Variants in IQGAP1 observed in about 807,000 individuals in gnomAD.
The protein encoded by IQGAP1 is IQ motif containing GTPase activating protein 1.
Under a neutral mutation model 215.6 loss-of-function variants are expected in IQGAP1, and 66 were observed. The ratio of observed to expected loss-of-function variants is 0.31; its 90% CI spans 0.25 to 0.38. The LOEUF (loss-of-function observed/expected upper bound fraction) is 0.38. Ranked by LOEUF, IQGAP1 falls within the 10% of genes least tolerant of loss-of-function variation. IQGAP1 has a pLI of 1.00. For synonymous variants in IQGAP1, 772 were observed against 728.7 expected, an observed-to-expected ratio of 1.06 and a Z score of -0.96; for missense variants, 1,712 against 1,997.1, an observed-to-expected ratio of 0.86 and a Z score of 2.72.
chr15:90,433,615 GT>G, intron 4 of IQGAP1, 103 bp from the exon 5 acceptor site: 2 of 671,852 alleles, frequency 3.0e-6, no homozygotes, highest in Non-Finnish European at 5.2e-6. Flanking sequence ...TGCCACCGAT[GT>G]TTTCTAACTG....
At chr15:90,421,153 T>A (rs976410861) in intron 2 of IQGAP1, among the ~76,000 whole-genome samples, 7 of 150,822 alleles carry the variant, frequency 4.6e-5, no homozygotes, top group Admixed American at 1.3e-4. Flanking sequence ...AAATTTTTTT[T>A]AATAAAGTCT....
chr15:90,458,017 T>C (rs1242461080), intron 15 of IQGAP1, among the ~76,000 whole-genome samples: 1 of 152,196 alleles, frequency 6.6e-6, no homozygotes, highest in African/African-American at 2.4e-5. Context: ...AGAAACTCAG[T>C]ACCCATTAGT....
intron 3 of IQGAP1, 78 bp downstream of exon 3, chr15:90,426,344 T>C (rs1487849965): frequency 4.1e-6 from 6 of 1,479,946 alleles, no homozygotes; most frequent in Non-Finnish European, 5.5e-6. Context: ...GTAAGAGTTA[T>C]TGAGAAGTCT....
At chr15:90,489,153 CAG>C (rs948091142) in intron 33 of IQGAP1, among the ~76,000 whole-genome samples, 2 of 143,108 alleles carry the variant, frequency 1.4e-5, no homozygotes, top group African/African-American at 2.6e-5. Flanking sequence ...TAATTTGAGA[CAG>C]AGTCTCACTC....
At chr15:90,401,027 C>T (rs1029720991) in intron 2 of IQGAP1, among the ~76,000 whole-genome samples, 3 of 152,142 alleles carry the variant, frequency 2.0e-5, no homozygotes, top group African/African-American at 7.2e-5. Context: ...TGAGAACATC[C>T]GGAAGTGATT....
At chr15:90,473,663 T>G in intron 19 of IQGAP1, 52 bp from the exon 20 acceptor site, 1 of 1,331,748 alleles carries the variant, frequency 7.5e-7, no homozygotes, top group Admixed American at 1.9e-5. Context: ...TTTTTTAACT[T>G]CCATTGATGC....
intron 2 of IQGAP1, among the ~76,000 whole-genome samples, chr15:90,421,402 G>A (rs1965133950): frequency 1.3e-5 from 2 of 151,786 alleles, no homozygotes; most frequent in South Asian, 4.2e-4. Context: ...CTTGAACTTG[G>A]GAGACGGAGG....
In IQGAP1 at chr15:90,470,292, A is replaced by G. The variant is rs1965887855; in HGVS notation, c.2179-2548A>G. 2.0e-5 allele frequency among the ~76,000 whole-genome samples: 3 copies of G among 152,084 alleles called. No homozygotes were observed. The South Asian group carries it at 6.2e-4, about 32-fold the overall frequency. ...ACAGCTATCCTTTCTAAAGCTCATT[A>G]TTGATCTTACTGCTTGATTTCATCC... On this transcript the variant is annotated intron_variant, in intron 18 of 37. Transcript: ENST00000268182.
chr15:90,428,745 G>A (rs1965261585), intron 3 of IQGAP1, among the ~76,000 whole-genome samples: 1 of 151,234 alleles, frequency 6.6e-6, no homozygotes, highest in African/African-American at 2.5e-5. Context: ...GTGCCAGTGA[G>A]CCGATTGTGC....
chr15:90,399,395 T>G (rs967896153), intron 2 of IQGAP1, among the ~76,000 whole-genome samples: 1 of 152,198 alleles, frequency 6.6e-6, no homozygotes, highest in Non-Finnish European at 1.5e-5. Context: ...TATTTTCTTA[T>G]GCAAATTTTC....
At chr15:90,409,440 G>A (rs1964926339) in intron 2 of IQGAP1, among the ~76,000 whole-genome samples, 1 of 152,074 alleles carries the variant, frequency 6.6e-6, no homozygotes, top group Middle Eastern at 3.2e-3. Context: ...GTCTTACCAT[G>A]TTGGCCAGGC....
intron 28 of IQGAP1, chr15:90,482,605 C>A (rs1596289548): frequency 6.4e-6 from 3 of 468,954 alleles, no homozygotes; most frequent in African/African-American, 2.1e-5. Context: ...ACAGTTGTTT[C>A]TGCTAAGGCT....
chr15:90,394,787 A>G (rs151242992), intron 2 of IQGAP1, among the ~76,000 whole-genome samples: 33 of 123,308 alleles, frequency 2.7e-4, no homozygotes, highest in African/African-American at 6.5e-4. Flanking sequence ...CTTCAGTTCT[A>G]TTTATAATAC....
chr15:90,498,185 G>A (rs1050915205), intron 37 of IQGAP1, among the ~76,000 whole-genome samples: 2 of 151,978 alleles, frequency 1.3e-5, no homozygotes. Flanking sequence ...TTTACAGTAG[G>A]TGTTGACTTA....
chr15:90,419,799 C>T (rs1416957156), intron 2 of IQGAP1, among the ~76,000 whole-genome samples: 1 of 152,094 alleles, frequency 6.6e-6, no homozygotes, highest in Non-Finnish European at 1.5e-5. Context: ...TGTGGTTATG[C>T]AGTGTCAGAA....
intron 3 of IQGAP1, among the ~76,000 whole-genome samples, chr15:90,428,254 A>G (rs1419409463): frequency 1.3e-5 from 2 of 151,986 alleles, no homozygotes; most frequent in African/African-American, 4.8e-5. Context: ...AACAAATTTT[A>G]GTGTAGAGAT....
chr15:90,416,000 C>CTGTTCCTT (rs1965041636), intron 2 of IQGAP1, among the ~76,000 whole-genome samples: 1 of 151,938 alleles, frequency 6.6e-6, no homozygotes, highest in African/African-American at 2.4e-5. Flanking sequence ...TTGTATTATG[C>CTGTTCCTT]TGTTCCTTTT....
intron 2 of IQGAP1, among the ~76,000 whole-genome samples, chr15:90,403,628 T>C (rs1471656055): frequency 6.6e-6 from 1 of 152,202 alleles, no homozygotes; most frequent in Non-Finnish European, 1.5e-5. Context: ...CAAATTACTT[T>C]GATTTGTTTA....
At chr15:90,414,971 A>G (rs914514199) in intron 2 of IQGAP1, among the ~76,000 whole-genome samples, 1 of 152,200 alleles carries the variant, frequency 6.6e-6, no homozygotes, top group Non-Finnish European at 1.5e-5. Context: ...AAAAAATAAG[A>G]AAAAAACCTT....
Sources: gnomAD v4.1 joint callset for allele counts (sites outside exome capture counted in the v4.1 genomes callset) on GRCh38, gnomAD v4.1.1 for gene constraint, MANE v1.5 for transcripts, NCBI Gene and HGNC (gene_info 2026-07-23, HGNC 2026-07-21) for gene names.